DOCK4: variants seen among roughly 807,000 people sequenced by gnomAD.
The protein encoded by DOCK4 is dedicator of cytokinesis protein 4.
DOCK4 carries 97 observed loss-of-function variants against 268.1 expected under a neutral mutation model. The observed-to-expected ratio is 0.36, with a 90% CI of 0.31 to 0.43. The LOEUF is 0.43. DOCK4 is among the 20% of genes least tolerant of loss of function. The probability of loss-of-function intolerance (pLI) is 1.00; values close to 1 mark genes in which losing one functional copy is unlikely to be tolerated. For synonymous variants in DOCK4, 954 were observed against 887.2 expected (o/e 1.08, Z -1.34); for missense variants, 2,145 against 2,455.7 (o/e 0.87, Z 2.67).
chr7:111,830,986 T>C (rs1481401837), intron 26 of DOCK4, among the ~76,000 whole-genome samples: 5 of 152,004 alleles, frequency 3.3e-5, no homozygotes, highest in Non-Finnish European at 5.9e-5. Flanking sequence ...TTGACCTTCA[T>C]ACTCTACACT....
chr7:112,163,724 T>G (rs2116522861), intron 1 of DOCK4, among the ~76,000 whole-genome samples: 1 of 152,280 alleles, frequency 6.6e-6, no homozygotes, highest in Middle Eastern at 3.4e-3. Flanking sequence ...ATGAAGAAAC[T>G]AAGGCTTAGA....
intron 5 of DOCK4, among the ~76,000 whole-genome samples, 185 bp from the exon 6 acceptor site, chr7:111,989,348 A>G (rs1297036172): frequency 1.3e-5 from 2 of 152,228 alleles, no homozygotes; most frequent in Non-Finnish European, 2.9e-5. Context: ...CCTTCTCTAT[A>G]TGCTTCATCT....
chr7:111,935,602 T>G lies in DOCK4; in HGVS notation c.1004A>C (p.Gln335Pro). ...CTTTTTGATGATGTTCTCATGGATTTGGTACCACTCACTCTCTGTGTTACA... is the reference window on the plus strand; with the variant it reads ...CTTTTTGATGATGTTCTCATGGATTGGGTACCACTCACTCTCTGTGTTACA... ...YMCNTESEWYQIHENIIKKLN... is the reference protein window; with the variant it reads ...YMCNTESEWYPIHENIIKKLN... Residue 335 changes from glutamine to proline, a missense_variant, in exon 12 of 53, where the codon CAA becomes CCA. Transcript: ENST00000428084. The G allele has an allele frequency of 6.2e-7, 1 of 1,613,960 alleles. No individual in the cohort carries two copies. Among genetic ancestry groups the G allele is most frequent in the Non-Finnish European group, 8.5e-7 (1 of 1,179,854 alleles).
intron 39 of DOCK4, among the ~76,000 whole-genome samples, chr7:111,764,114 T>C (rs1328562175): frequency 6.6e-6 from 1 of 152,196 alleles, no homozygotes; most frequent in Admixed American, 6.5e-5. Flanking sequence ...GATTTCACAT[T>C]ATGTCTGTGT....
intron 1 of DOCK4, among the ~76,000 whole-genome samples, chr7:112,185,162 C>T (rs960338970): frequency 6.6e-6 from 1 of 152,160 alleles, no homozygotes; most frequent in East Asian, 1.9e-4. Flanking sequence ...AGTGTGGGGG[C>T]CACAGCTGGT....
chr7:112,058,604 C>T (rs775112751), intron 1 of DOCK4, among the ~76,000 whole-genome samples: 3 of 152,130 alleles, frequency 2.0e-5, no homozygotes, highest in Non-Finnish European at 4.4e-5. Flanking sequence ...TGAGCAAAGG[C>T]CTCATGTAGC....
chr7:111,912,017 T>G (rs1792145592), intron 13 of DOCK4, among the ~76,000 whole-genome samples: 1 of 152,188 alleles, frequency 6.6e-6, no homozygotes, highest in African/African-American at 2.4e-5. Context: ...TCAGGCTGAC[T>G]GGGTCCCTAA....
intron 1 of DOCK4, among the ~76,000 whole-genome samples, chr7:112,055,209 T>C (rs939747155): frequency 1.4e-4 from 21 of 152,346 alleles, no homozygotes; most frequent in South Asian, 8.3e-4. Context: ...TGACCTAAAA[T>C]ACTTCTAATA....
chr7:112,033,937 T>C (rs1055218996), intron 1 of DOCK4, among the ~76,000 whole-genome samples: 1 of 152,230 alleles, frequency 6.6e-6, no homozygotes, highest in Non-Finnish European at 1.5e-5. Context: ...AATGATAGCA[T>C]ATAAACTTAC....
intron 8 of DOCK4, among the ~76,000 whole-genome samples, chr7:111,970,215 T>A (rs1255672914): frequency 6.6e-6 from 1 of 151,896 alleles, no homozygotes; most frequent in Non-Finnish European, 1.5e-5. Flanking sequence ...ACATGATGAG[T>A]ATGAGTGTAG....
intron 30 of DOCK4, among the ~76,000 whole-genome samples, chr7:111,795,006 G>C (rs912097952): frequency 6.6e-6 from 1 of 152,224 alleles, no homozygotes; most frequent in African/African-American, 2.4e-5. Flanking sequence ...AGGAACTTGA[G>C]GGGTGGAAAG....
Position 111,995,437 on chromosome 7 carries a change from G to GTGTT in DOCK4, c.219-1207_219-1206insAACA, listed in dbSNP as rs1380505351. 7.7e-3 allele frequency among the ~76,000 whole-genome samples: 769 copies of GTGTT among 99,264 alleles called. 14 individuals carry two copies. Among genetic ancestry groups the GTGTT allele is most frequent in the African/African-American group, 0.034 (726 of 21,536 alleles). The allele number at this position is 99,264 out of a possible 152,430, so 65.1% of individuals were successfully genotyped here. On this transcript the variant is annotated intron_variant, in intron 4 of 52. Transcript: ENST00000428084. ...TTTGTGTGTGTGTGTGTGTGTGTGT[G>GTGTT]TGTGTGTGTGTGTGTGTGTGTATGT...
At chr7:111,753,088 C>CT (rs1297750440) in intron 42 of DOCK4, among the ~76,000 whole-genome samples, 1 of 149,314 alleles carries the variant, frequency 6.7e-6, no homozygotes, top group Non-Finnish European at 1.5e-5. Context: ...GAATGAAGAA[C>CT]TTTTCAGATT....
intron 8 of DOCK4, among the ~76,000 whole-genome samples, chr7:111,947,536 C>A (rs985898036): frequency 6.6e-6 from 1 of 152,084 alleles, no homozygotes; most frequent in Non-Finnish European, 1.5e-5. Flanking sequence ...CTGTAAGTAT[C>A]CTCAATTGAA....
chr7:112,164,358 A>C (rs1817400634), intron 1 of DOCK4, among the ~76,000 whole-genome samples: 1 of 152,196 alleles, frequency 6.6e-6, no homozygotes, highest in Non-Finnish European at 1.5e-5. Context: ...GTTATATAGC[A>C]AGCTTAGTGT....
chr7:111,783,013 AGAAAG>A, intron 34 of DOCK4, 89 bp from the exon 35 acceptor site: 14 of 1,097,008 alleles, frequency 1.3e-5, no homozygotes, highest in Admixed American at 4.8e-5. Flanking sequence ...AAAGAAAGAA[AGAAAG>A]AAAAAAAAAA....
chr7:112,025,210 G>GAAA (rs1610911), intron 1 of DOCK4, among the ~76,000 whole-genome samples: 63,890 of 151,508 alleles, frequency 0.42, 15,378 homozygotes, highest in East Asian at 0.65. Context: ...ATTCAGTGAT[G>GAAA]AATAATAATA....
chr7:112,128,424 C>A (rs1384818692), intron 1 of DOCK4, among the ~76,000 whole-genome samples: 1 of 152,142 alleles, frequency 6.6e-6, no homozygotes, highest in Non-Finnish European at 1.5e-5. Context: ...GTGTGCCCAA[C>A]AGCTCATTGA....
chr7:112,182,118 G>A (rs1315045506), intron 1 of DOCK4, among the ~76,000 whole-genome samples: 1 of 152,128 alleles, frequency 6.6e-6, no homozygotes, highest in Non-Finnish European at 1.5e-5. Flanking sequence ...CAAGTTACCT[G>A]ATCCTTATTC....
Sources: gnomAD v4.1 joint callset for allele counts (sites outside exome capture counted in the v4.1 genomes callset) on GRCh38, gnomAD v4.1.1 for gene constraint, MANE v1.5 for transcripts, NCBI Gene and HGNC (gene_info 2026-07-23, HGNC 2026-07-21) for gene names.